Variants in MYO10 observed in about 807,000 individuals in gnomAD.
MYO10 encodes the protein myosin X, also known as unconventional myosin-X.
Under a neutral mutation model 257.3 loss-of-function variants are expected in MYO10, and 133 were observed. That is an observed-to-expected ratio of 0.52 (90% CI 0.45 to 0.60). The LOEUF is 0.60. Among genes scored for constraint, MYO10 ranks in the 20% least tolerant of loss-of-function variants. The pLI is 0.00. For synonymous variants in MYO10, 1,104 were observed against 1,028.6 expected (o/e 1.07, Z -1.40); for missense variants, 2,399 against 2,635.7 (o/e 0.91, Z 1.97).
At chr5:16,731,841 G>T (rs533492703) in intron 19 of MYO10, among the ~76,000 whole-genome samples, 1 of 152,336 alleles carries the variant, frequency 6.6e-6, no homozygotes, top group Admixed American at 6.5e-5. Flanking sequence ...GTTGTCACGT[G>T]CTGTGTTCAC....
At chr5:16,815,508 A>C in intron 3 of MYO10, 1 of 691,698 alleles carries the variant, frequency 1.4e-6, no homozygotes, top group East Asian at 2.7e-5. Context: ...ATCCAGGTTC[A>C]CATTTTATCA....
At chr5:16,723,723 CA>C (rs1739246649) in intron 19 of MYO10, among the ~76,000 whole-genome samples, 1 of 152,188 alleles carries the variant, frequency 6.6e-6, no homozygotes, top group African/African-American at 2.4e-5. Context: ...AGACATCCTT[CA>C]ACAGGTGAAT....
At chr5:16,872,033 T>G (rs993152675) in intron 2 of MYO10, among the ~76,000 whole-genome samples, 2 of 152,090 alleles carry the variant, frequency 1.3e-5, no homozygotes, top group African/African-American at 4.8e-5. Flanking sequence ...CCACAACCCA[T>G]AAATACTGTT....
chr5:16,803,004 C>T (rs1022905226), intron 3 of MYO10, among the ~76,000 whole-genome samples: 18 of 151,780 alleles, frequency 1.2e-4, no homozygotes, highest in Non-Finnish European at 2.6e-4. Context: ...ACTAGGGAGG[C>T]TGAGGTGGGA....
At chr5:16,874,073 G>A (rs1466758932) in intron 2 of MYO10, among the ~76,000 whole-genome samples, 17 of 152,112 alleles carry the variant, frequency 1.1e-4, no homozygotes, top group South Asian at 6.2e-4. Context: ...GGTGGCTCAC[G>A]CCTGTAATCC....
chr5:16,758,164 T>G lies in MYO10; in HGVS notation c.1802A>C (p.Lys601Thr), dbSNP rs754051953. The G allele has an allele frequency of 2.5e-6, 4 of 1,613,712 alleles. No individual in the cohort carries two copies. Among genetic ancestry groups the G allele is most frequent in the Admixed American group, 3.3e-5 (2 of 60,000 alleles). ...VSSRNNQDTL[K>T]CGSKHRRPTV... ...AGGCCGCCGATGTTTGCTTCCACAT[T>G]TCAAGGTATCCTGGTTGTTGCGGCT... The change falls in exon 18 of 41, where the codon AAA (lysine) becomes ACA (threonine). Residue 601 changes from lysine (K) to threonine (T), a missense_variant. By Grantham distance (78) the Lys-to-Thr change is moderately conservative. Transcript: ENST00000513610.
At position 16,889,077 on chromosome 5, in the gene MYO10, G is replaced by A. The variant is rs55952812; in HGVS notation, c.22-11370C>T. On this transcript the variant is annotated intron_variant, in intron 1 of 40. Coordinates refer to ENST00000513610, the MANE Select transcript of MYO10 (RefSeq NM_012334.3). ...AGTCCCAACTACTCAGCAGGCTGAG[G>A]TGGGAGGATGGCTTAAGCCCAAGAG... 8.7e-3 allele frequency among the ~76,000 whole-genome samples: 1,322 copies of A among 152,188 alleles called. 9 individuals carry two copies. The highest frequency in any genetic ancestry group is 0.017 in the Middle Eastern group (5 of 294).
intron 18 of MYO10, among the ~76,000 whole-genome samples, chr5:16,756,142 A>G (rs1740522400): frequency 6.6e-6 from 1 of 152,158 alleles, no homozygotes; most frequent in Admixed American, 6.6e-5. Context: ...GTGTGATCAC[A>G]GCTCACGGCA....
rs373389078 is a variant in MYO10, at chr5:16,887,407, C to G, written c.22-9700G>C. ...TGAACTATGCTAAATGGCAGGATGC[C>G]TCAATTATAAATGTGTGATTCTGTA... On this transcript the variant is annotated intron_variant, in intron 1 of 40. Coordinates refer to ENST00000513610, the MANE Select transcript of MYO10 (RefSeq NM_012334.3). Among the ~76,000 whole-genome samples the G allele has an allele frequency of 8.5e-5, 13 of 152,326 alleles. No homozygotes were observed. The South Asian group carries it at 1.4e-3, about 17-fold the overall frequency.
At chr5:16,861,813 C>T (rs1744116826) in intron 2 of MYO10, among the ~76,000 whole-genome samples, 1 of 152,148 alleles carries the variant, frequency 6.6e-6, no homozygotes, top group South Asian at 2.1e-4. Context: ...AGATGATAAA[C>T]TCTGGATGCA....
Position 16,685,993 on chromosome 5 carries a change from A to G in MYO10, c.3897-162T>C, listed in dbSNP as rs941313321. 2.0e-5 allele frequency among the ~76,000 whole-genome samples: 3 copies of G among 152,332 alleles called. No homozygotes were observed. In the South Asian group the frequency reaches 6.2e-4, roughly 32 times the overall value. On this transcript the variant is annotated intron_variant, in intron 28 of 40. Transcript: ENST00000513610. ...AATGTCAGTTTCATTACCAAAGAAT[A>G]AAGTGAGAAGAAGCAGATAAAGTAC...
At chr5:16,923,858 AG>A (rs1746059626) in intron 1 of MYO10, among the ~76,000 whole-genome samples, 1 of 152,126 alleles carries the variant, frequency 6.6e-6, no homozygotes, top group South Asian at 2.1e-4. Flanking sequence ...AGGAGGCCAA[AG>A]GGGAAGAATC....
intron 1 of MYO10, among the ~76,000 whole-genome samples, chr5:16,919,052 C>T (rs1401243098): frequency 6.6e-6 from 1 of 152,060 alleles, no homozygotes; most frequent in African/African-American, 2.4e-5. Context: ...CTGAAGATTT[C>T]CACACAGTCT....
chr5:16,693,600 T>C (rs569470015), intron 27 of MYO10, among the ~76,000 whole-genome samples: 1 of 152,370 alleles, frequency 6.6e-6, no homozygotes, highest in East Asian at 1.9e-4. Context: ...GGCTCCTGAC[T>C]TCAGGCATTA....
intron 1 of MYO10, among the ~76,000 whole-genome samples, chr5:16,935,459 C>G (rs1020556875): frequency 4.6e-5 from 7 of 152,120 alleles, no homozygotes; most frequent in African/African-American, 1.7e-4. Flanking sequence ...GGCAGTCGAG[C>G]GGGCGGATCG....
At chr5:16,844,332 T>A (rs1743567757) in intron 2 of MYO10, among the ~76,000 whole-genome samples, 1 of 152,188 alleles carries the variant, frequency 6.6e-6, no homozygotes, top group African/African-American at 2.4e-5. Context: ...CAGGTCCACA[T>A]CACGCATTAA....
chr5:16,755,196 C>T (rs150061952), intron 18 of MYO10, among the ~76,000 whole-genome samples: 1,775 of 152,288 alleles, frequency 0.012, 19 homozygotes, highest in Non-Finnish European at 0.018. Context: ...GACGGAGTCT[C>T]GCTCTATCAC....
intron 19 of MYO10, chr5:16,738,319 G>A: frequency 1.1e-5 from 11 of 985,454 alleles, no homozygotes; most frequent in Non-Finnish European, 1.3e-5. Flanking sequence ...GCAGGGGTGG[G>A]GATTAAGAGG....
At chr5:16,693,467 A>AGGG (rs1474250273) in intron 27 of MYO10, among the ~76,000 whole-genome samples, 13 of 152,240 alleles carry the variant, frequency 8.5e-5, no homozygotes, top group African/African-American at 2.9e-4. Flanking sequence ...CTGCAGAGAC[A>AGGG]TGAGTTTTCC....
Sources: allele counts gnomAD v4.1 joint callset (sites outside exome capture counted in the v4.1 genomes callset), GRCh38; gene constraint gnomAD v4.1.1; transcripts MANE v1.5; gene names NCBI Gene and HGNC (gene_info 2026-07-23, HGNC 2026-07-21).